DDR2: variants seen among roughly 807,000 people sequenced by gnomAD.
DDR2 encodes discoidin domain-containing receptor 2.
A neutral mutation model predicts 94.9 loss-of-function variants in DDR2; 27 were observed. The ratio of observed to expected loss-of-function variants is 0.28; its 90% CI spans 0.21 to 0.39. The LOEUF is 0.39. Ranked by LOEUF, DDR2 falls within the 10% of genes least tolerant of loss-of-function variation. The pLI, the probability that DDR2 is intolerant of heterozygous loss-of-function variation, is 1.00. For synonymous variants in DDR2, 382 were observed against 377.2 expected, an observed-to-expected ratio of 1.01 and a Z score of -0.15; for missense variants, 783 against 1,076.0, an observed-to-expected ratio of 0.73 and a Z score of 3.81.
chr1:162,711,746 T>A (rs568941027), intron 2 of DDR2, among the ~76,000 whole-genome samples: 1 of 152,316 alleles, frequency 6.6e-6, no homozygotes, highest in East Asian at 1.9e-4. Flanking sequence ...TTTCTCTTCA[T>A]ATCTATATCA....
intron 2 of DDR2, among the ~76,000 whole-genome samples, chr1:162,679,337 A>G (rs1659285244): frequency 6.6e-6 from 1 of 152,024 alleles, no homozygotes; most frequent in Non-Finnish European, 1.5e-5. Flanking sequence ...TAGGATAATG[A>G]GATCATGTTC....
chr1:162,756,082 C>G (rs543618904), intron 7 of DDR2, among the ~76,000 whole-genome samples: 1 of 152,104 alleles, frequency 6.6e-6, no homozygotes, highest in African/African-American at 2.4e-5. Flanking sequence ...TAGTCTGACA[C>G]AAATATTGAC....
intron 1 of DDR2, among the ~76,000 whole-genome samples, chr1:162,645,607 G>T (rs1248419632): frequency 3.3e-5 from 5 of 152,178 alleles, no homozygotes; most frequent in Non-Finnish European, 7.4e-5. Context: ...TCTGGTCTAT[G>T]TTTAAATCTG....
rs1310693746 is a variant in DDR2 at position 162,776,319 on chromosome 1, G to A, written c.2232G>A (p.Gln744=). 6.2e-7 allele frequency: 1 copy of A among 1,613,954 alleles called. No individual in the cohort carries two copies. Among genetic ancestry groups the A allele is most frequent in the East Asian group, 2.2e-5 (1 of 44,876 alleles). The stretch of plus-strand genomic sequence containing the variant: ...ACAGTGGTGACTATTACCGGATCCA[G>A]GGCCGGGCAGTGCTCCCTATCCGCT... ...NLYSGDYYRI[Q]GRAVLPIRWM... Residue 744 remains glutamine, a synonymous_variant, in exon 16 of 18, where the codon CAG becomes CAA. Coordinates refer to ENST00000367921, the MANE Select transcript of DDR2 (RefSeq NM_006182.4).
At chr1:162,634,483 G>A (rs779550799) in intron 1 of DDR2, among the ~76,000 whole-genome samples, 3 of 152,198 alleles carry the variant, frequency 2.0e-5, no homozygotes, top group African/African-American at 4.8e-5. Flanking sequence ...AACACAGAAC[G>A]TCATATGAGG....
rs200983274 is a variant in DDR2 at position 162,673,618 on chromosome 1, A to T, written c.-28+18244A>T. Among the ~76,000 whole-genome samples the T allele has an allele frequency of 2.2e-3, 277 of 124,776 alleles. 5 individuals are homozygous for T. In the East Asian group the frequency reaches 0.04, roughly 18 times the overall value. 81.9% of individuals were successfully genotyped at this position (124,776 alleles called of 152,430 possible). ...GTATGTGTGTGTGTGTGAGAGAGAG[A>T]GAGAGAGAGAGAGAGAGAGAGAGAG... On this transcript the variant is annotated intron_variant, in intron 2 of 17. Transcript: ENST00000367921.
chr1:162,653,971 A>C (rs183586499), intron 1 of DDR2, among the ~76,000 whole-genome samples: 1 of 152,114 alleles, frequency 6.6e-6, no homozygotes, highest in Admixed American at 6.5e-5. Flanking sequence ...CCGCCTGAAC[A>C]CTGTGGCACT....
chr1:162,650,225 C>T (rs931565947), intron 1 of DDR2, among the ~76,000 whole-genome samples: 2 of 152,002 alleles, frequency 1.3e-5, no homozygotes, highest in African/African-American at 2.4e-5. Flanking sequence ...CTAAGGAAAC[C>T]AAATTACTTA....
intron 9 of DDR2, among the ~76,000 whole-genome samples, chr1:162,764,121 C>G (rs895613624): frequency 6.6e-6 from 1 of 152,144 alleles, no homozygotes; most frequent in African/African-American, 2.4e-5. Flanking sequence ...GTGTGGTATA[C>G]AGTTAGGGTA....
intron 2 of DDR2, among the ~76,000 whole-genome samples, chr1:162,667,008 A>G (rs1658610794): frequency 6.6e-6 from 1 of 151,502 alleles, no homozygotes; most frequent in Admixed American, 6.6e-5. Flanking sequence ...ATATACACAC[A>G]TATCATTTTC....
intron 2 of DDR2, among the ~76,000 whole-genome samples, chr1:162,716,930 T>G (rs952745557): frequency 5.3e-5 from 8 of 152,224 alleles, no homozygotes; most frequent in Non-Finnish European, 7.3e-5. Context: ...TTAAGGGAAT[T>G]TCTTCTCTCT....
Position 162,668,096 on chromosome 1 carries a change from C to A in DDR2, c.-28+12722C>A, listed in dbSNP as rs1033406515. ...GTGAAGCACTCCCCTGGAGTACAAA[C>A]TTTAAGGGGATGCCAAAAACTCAGC... On this transcript the variant is annotated intron_variant, in intron 2 of 17. Coordinates refer to ENST00000367921, the MANE Select transcript of DDR2 (RefSeq NM_006182.4). 5.3e-5 allele frequency among the ~76,000 whole-genome samples: 8 copies of A among 152,150 alleles called. No homozygotes were observed. The East Asian group carries it at 1.4e-3, about 26-fold the overall frequency.
At chr1:162,757,189 G>T (rs1045014273) in intron 7 of DDR2, among the ~76,000 whole-genome samples, 1 of 152,140 alleles carries the variant, frequency 6.6e-6, no homozygotes, top group Admixed American at 6.5e-5. Context: ...TTGCTACAAG[G>T]CTTAAGGGAT....
At chr1:162,642,174 C>T (rs1409912285) in intron 1 of DDR2, among the ~76,000 whole-genome samples, 1 of 152,058 alleles carries the variant, frequency 6.6e-6, no homozygotes, top group Non-Finnish European at 1.5e-5. Flanking sequence ...CCAGGCTGGT[C>T]TTGAACTCCT....
chr1:162,773,292 G>T (rs1445366500), intron 13 of DDR2, among the ~76,000 whole-genome samples, 177 bp from the exon 14 acceptor site: 1 of 152,122 alleles, frequency 6.6e-6, no homozygotes, highest in Non-Finnish European at 1.5e-5. Flanking sequence ...CTTTACCATT[G>T]TTTTAAATCT....
At chr1:162,737,686 G>T (rs555644544) in intron 3 of DDR2, among the ~76,000 whole-genome samples, 1 of 112,534 alleles carries the variant, frequency 8.9e-6, no homozygotes, top group African/African-American at 3.4e-5. Context: ...TAATGGGATG[G>T]CTGGGTCAAA....
At chr1:162,693,558 G>A (rs1660050978) in intron 2 of DDR2, among the ~76,000 whole-genome samples, 1 of 152,114 alleles carries the variant, frequency 6.6e-6, no homozygotes, top group South Asian at 2.1e-4. Flanking sequence ...ATTCTCAAGG[G>A]GACAGCAAGG....
chr1:162,724,499 G>A (rs772912250), intron 3 of DDR2, among the ~76,000 whole-genome samples: 4 of 152,138 alleles, frequency 2.6e-5, no homozygotes, highest in Non-Finnish European at 5.9e-5. Context: ...TGAAGCACCA[G>A]GGATGCTTTG....
chr1:162,646,817 A>C (rs577290141), intron 1 of DDR2, among the ~76,000 whole-genome samples: 1 of 152,302 alleles, frequency 6.6e-6, no homozygotes, highest in East Asian at 1.9e-4. Context: ...TGTCTGTGCA[A>C]ATGTCCAGGG....
Sources: gnomAD v4.1 joint callset for allele counts (sites outside exome capture counted in the v4.1 genomes callset) on GRCh38, gnomAD v4.1.1 for gene constraint, MANE v1.5 for transcripts, NCBI Gene and HGNC (gene_info 2026-07-23, HGNC 2026-07-21) for gene names.